The following DAB1 variants were observed in gnomAD, a reference collection of about 807,000 sequenced individuals.
DAB1 encodes the protein disabled homolog 1.
In DAB1, 15 loss-of-function variants were observed where a neutral mutation model predicts 64.6. That is an observed-to-expected ratio of 0.23 (90% CI 0.16 to 0.36). The LOEUF is 0.36. Ranked by LOEUF, DAB1 falls within the 10% of genes least tolerant of loss-of-function variation. DAB1 has a pLI of 1.00. For missense variants in DAB1, 596 were observed against 706.7 expected, an observed-to-expected ratio of 0.84 and a Z score of 1.78; for synonymous variants, 235 against 251.9, an observed-to-expected ratio of 0.93 and a Z score of 0.64.
chr1:57,926,630 T>C (rs945434566), intron 5 of DAB1, among the ~76,000 whole-genome samples: 1 of 152,222 alleles, frequency 6.6e-6, no homozygotes, highest in Middle Eastern at 3.2e-3. Flanking sequence ...TGTCACAGGA[T>C]GGCTGTAGAC....
chr1:58,208,867 T>G (rs150568524), intron 4 of DAB1, among the ~76,000 whole-genome samples: 2 of 152,198 alleles, frequency 1.3e-5, no homozygotes, highest in African/African-American at 4.8e-5. Flanking sequence ...CTTCATAGAG[T>G]TAAAACTTAT....
chr1:58,345,533 T>C (rs950786857), intron 3 of DAB1, among the ~76,000 whole-genome samples: 1 of 152,194 alleles, frequency 6.6e-6, no homozygotes, highest in African/African-American at 2.4e-5. Context: ...AATGTGTAAC[T>C]TTCCCCATTT....
chr1:57,678,967 T>G (rs1558603079), intron 6 of DAB1, among the ~76,000 whole-genome samples: 1 of 151,864 alleles, frequency 6.6e-6, no homozygotes, highest in Admixed American at 6.6e-5. Flanking sequence ...GAGATGGGGT[T>G]TCACTGTGTT....
intron 2 of DAB1, among the ~76,000 whole-genome samples, chr1:57,178,565 A>G (rs1331060895): frequency 6.6e-6 from 1 of 152,196 alleles, no homozygotes; most frequent in African/African-American, 2.4e-5. Context: ...TTATTTATGG[A>G]TAAAACTATA....
intron 2 of DAB1, among the ~76,000 whole-genome samples, chr1:58,512,840 T>C (rs1265448308): frequency 2.6e-5 from 4 of 152,204 alleles, no homozygotes; most frequent in Admixed American, 6.5e-5. Context: ...AGCATGTGCC[T>C]ATAGTTAAGT....
chr1:58,384,802 A>C (rs1185001839), intron 3 of DAB1, among the ~76,000 whole-genome samples: 1 of 152,232 alleles, frequency 6.6e-6, no homozygotes, highest in African/African-American at 2.4e-5. Flanking sequence ...GAGGGCAGGA[A>C]GCATCCAGCA....
intron 6 of DAB1, among the ~76,000 whole-genome samples, chr1:57,732,894 G>A (rs139007783): frequency 6.6e-6 from 1 of 152,118 alleles, no homozygotes; most frequent in Admixed American, 6.5e-5. Flanking sequence ...CCTATTCTTG[G>A]TTTAAGGCTC....
chr1:57,817,351 T>C (rs1048980660), intron 6 of DAB1, among the ~76,000 whole-genome samples: 1 of 152,174 alleles, frequency 6.6e-6, no homozygotes, highest in Non-Finnish European at 1.5e-5. Context: ...TGAATGAAAA[T>C]AGATAATGCT....
intron 7 of DAB1, among the ~76,000 whole-genome samples, chr1:57,485,374 G>A (rs538602446): frequency 7.9e-5 from 12 of 152,212 alleles, no homozygotes; most frequent in Non-Finnish European, 1.6e-4. Flanking sequence ...TCTGATCTTC[G>A]GTTTCCTGAT....
chr1:57,085,510 T>C (rs975934304), intron 4 of DAB1, among the ~76,000 whole-genome samples: 3 of 152,232 alleles, frequency 2.0e-5, no homozygotes, highest in African/African-American at 4.8e-5. Context: ...CCAGAAACAC[T>C]GTGCTAGGTG....
intron 1 of DAB1, among the ~76,000 whole-genome samples, chr1:57,853,371 T>C (rs1339010155): frequency 6.6e-6 from 1 of 152,134 alleles, no homozygotes; most frequent in Non-Finnish European, 1.5e-5. Flanking sequence ...AGAGGCTCAA[T>C]ATTTGGAAAT....
intron 5 of DAB1, among the ~76,000 whole-genome samples, chr1:58,020,907 G>A (rs1553153458): frequency 6.6e-6 from 1 of 152,154 alleles, no homozygotes; most frequent in Non-Finnish European, 1.5e-5. Flanking sequence ...CGAGGCTGAG[G>A]CAGGAGAATC....
chr1:57,978,506 G>A (rs1645979878), intron 5 of DAB1, among the ~76,000 whole-genome samples: 1 of 152,108 alleles, frequency 6.6e-6, no homozygotes, highest in Non-Finnish European at 1.5e-5. Flanking sequence ...ACAGGCACCG[G>A]AAAAGACTTC....
chr1:58,324,679 C>T (rs1662780288), intron 4 of DAB1, among the ~76,000 whole-genome samples: 1 of 152,212 alleles, frequency 6.6e-6, no homozygotes, highest in Non-Finnish European at 1.5e-5. Context: ...ACACCTGCCT[C>T]TTGGCTGATC....
At chr1:57,251,315 G>C (rs1158200117) in intron 2 of DAB1, among the ~76,000 whole-genome samples, 3 of 152,204 alleles carry the variant, frequency 2.0e-5, no homozygotes, top group Non-Finnish European at 4.4e-5. Flanking sequence ...TGAAAACCCA[G>C]TCATTATGTT....
chr1:57,109,019 A>G (rs1288505790), intron 4 of DAB1, among the ~76,000 whole-genome samples: 1 of 152,098 alleles, frequency 6.6e-6, no homozygotes, highest in Non-Finnish European at 1.5e-5. Context: ...GCTAACTCTG[A>G]GTTTTTGGCT....
chr1:57,278,026 A>T (rs1223520596), intron 2 of DAB1, among the ~76,000 whole-genome samples: 1 of 152,218 alleles, frequency 6.6e-6, no homozygotes, highest in Non-Finnish European at 1.5e-5. Flanking sequence ...TAAATCCTTT[A>T]TAAAGGTAAA....
intron 3 of DAB1, among the ~76,000 whole-genome samples, chr1:58,458,583 C>T (rs1645213041): frequency 6.6e-6 from 1 of 152,188 alleles, no homozygotes; most frequent in African/African-American, 2.4e-5. Flanking sequence ...GCGGGTGGAT[C>T]ACTTGTGCTT....
intron 5 of DAB1, among the ~76,000 whole-genome samples, chr1:58,128,126 T>A (rs1378886718): frequency 8.5e-5 from 13 of 152,076 alleles, no homozygotes; most frequent in Admixed American, 8.5e-4. Context: ...GTATCCTCTT[T>A]TATTTCCTGG....
Sources: gnomAD v4.1 joint callset for allele counts (sites outside exome capture counted in the v4.1 genomes callset) on GRCh38, gnomAD v4.1.1 for gene constraint, MANE v1.5 for transcripts, NCBI Gene and HGNC (gene_info 2026-07-23, HGNC 2026-07-21) for gene names.